Variants in RGS6 observed in about 807,000 individuals in gnomAD.
RGS6 encodes the protein regulator of G-protein signaling 6.
RGS6 carries 30 observed loss-of-function variants against 78.5 expected under a neutral mutation model. The observed-to-expected ratio is 0.38, with a 90% CI of 0.29 to 0.52. RGS6 has a LOEUF of 0.52. RGS6 is among the 20% of genes least tolerant of loss of function. The probability of loss-of-function intolerance (pLI) is 0.85; values close to 1 mark genes in which losing one functional copy is unlikely to be tolerated. For missense variants in RGS6, 495 were observed against 609.7 expected, an observed-to-expected ratio of 0.81 and a Z score of 1.98; for synonymous variants, 206 against 206.0, an observed-to-expected ratio of 1.00 and a Z score of 0.00.
At chr14:72,547,168 C>T in intron 17 of RGS6, 1 of 1,534,482 alleles carries the variant, frequency 6.5e-7, no homozygotes, top group Non-Finnish European at 8.7e-7. Flanking sequence ...ACAGAGCCTG[C>T]CTCAGTCCTG....
At chr14:71,925,907 T>C in the RGS6 span, among the ~76,000 whole-genome samples, 1 of 152,060 alleles carries the variant, frequency 6.6e-6, no homozygotes, top group Non-Finnish European at 1.5e-5. Context: ...AGCAATCCCA[T>C]TTATGATAGC....
At chr14:72,529,355 A>T (rs1157498) in intron 15 of RGS6, among the ~76,000 whole-genome samples, 3,224 of 152,264 alleles carry the variant, frequency 0.021, 111 homozygotes, top group African/African-American at 0.072. Flanking sequence ...GGCTGTTATA[A>T]TGGTGGTCAA....
chr14:72,428,492 C>T (rs1315605385), intron 3 of RGS6, among the ~76,000 whole-genome samples: 3 of 152,074 alleles, frequency 2.0e-5, no homozygotes, highest in African/African-American at 7.2e-5. Context: ...CTCCTAGGCT[C>T]TCTCTGAATG....
chr14:72,189,926 G>T (rs538476178), intron 2 of RGS6, among the ~76,000 whole-genome samples: 1 of 152,178 alleles, frequency 6.6e-6, no homozygotes, highest in South Asian at 2.1e-4. Flanking sequence ...TCATAAAAAC[G>T]CATACCCATA....
At chr14:72,477,486 A>G (rs2096267018) in intron 11 of RGS6, among the ~76,000 whole-genome samples, 1 of 103,088 alleles carries the variant, frequency 9.7e-6, no homozygotes, top group Non-Finnish European at 1.9e-5. Context: ...TAATGGATAT[A>G]TGAAAAAAAA....
intron 1 of RGS6, among the ~76,000 whole-genome samples, chr14:71,959,050 G>A (rs1365884672): frequency 2.0e-5 from 3 of 152,208 alleles, no homozygotes; most frequent in Non-Finnish European, 2.9e-5. Flanking sequence ...TAGGGGTTGA[G>A]TGCTATTGCC....
Position 72,133,353 on chromosome 14 carries a change from T to G in RGS6, c.84+168478T>G, listed in dbSNP as rs549800018. 1.2e-4 allele frequency among the ~76,000 whole-genome samples: 18 copies of G among 152,096 alleles called. 1 individual carries two copies. In the South Asian group the frequency reaches 3.3e-3, roughly 28 times the overall value. On this transcript the variant is annotated intron_variant, in intron 2 of 17. Coordinates refer to ENST00000553525, the MANE Select transcript of RGS6 (RefSeq NM_001204424.2). ...ATACTCTAGTTACTCAGCTCTTACC[T>G]TAGAATTGAGACTTCAGAGTTTCCC... is the stretch of plus-strand genomic sequence containing the variant.
intron 2 of RGS6, among the ~76,000 whole-genome samples, chr14:71,980,022 T>C (rs2094362980): frequency 7.2e-6 from 1 of 139,730 alleles, no homozygotes; most frequent in Non-Finnish European, 1.5e-5. Context: ...GTAATGGCCT[T>C]CTTTGTCTCT....
intron 2 of RGS6, among the ~76,000 whole-genome samples, chr14:72,137,877 A>T (rs1246190010): frequency 2.6e-5 from 4 of 152,102 alleles, no homozygotes; most frequent in African/African-American, 9.7e-5. Flanking sequence ...CATTTACATA[A>T]ATATGATTGA....
At chr14:72,458,472 G>T in intron 5 of RGS6, 95 bp downstream of exon 5, 3 of 951,196 alleles carry the variant, frequency 3.2e-6, no homozygotes, top group Non-Finnish European at 4.9e-6. Flanking sequence ...GGATATCTGA[G>T]GGAGTAGCCC....
chr14:72,540,146 T>G, intron 17 of RGS6, 52 bp downstream of exon 17: 6 of 1,540,480 alleles, frequency 3.9e-6, no homozygotes, highest in Non-Finnish European at 5.2e-6. Context: ...TTTGGTTTTT[T>G]CTTTCTTCTT....
intron 3 of RGS6, among the ~76,000 whole-genome samples, chr14:72,435,217 CTCAAGATGGAT>C (rs1258095812): frequency 6.6e-6 from 1 of 152,156 alleles, no homozygotes; most frequent in Non-Finnish European, 1.5e-5. Context: ...GGTATATTTC[CTCAAGATGGAT>C]TCAAGATGTG....
At chr14:72,002,337 A>G (rs2083632441) in intron 2 of RGS6, among the ~76,000 whole-genome samples, 1 of 152,170 alleles carries the variant, frequency 6.6e-6, no homozygotes, top group African/African-American at 2.4e-5. Flanking sequence ...ATTCAGGGCT[A>G]AAGGTCAGAT....
chr14:72,378,925 C>CA (rs2085383218), intron 3 of RGS6, among the ~76,000 whole-genome samples: 1 of 152,022 alleles, frequency 6.6e-6, no homozygotes, highest in Non-Finnish European at 1.5e-5. Flanking sequence ...AACATAGACA[C>CA]AAAAATCCTC....
the RGS6 span, among the ~76,000 whole-genome samples, chr14:71,914,498 C>A: frequency 6.6e-6 from 1 of 152,162 alleles, no homozygotes; most frequent in Non-Finnish European, 1.5e-5. Context: ...TAAGAACTAA[C>A]GGATCTTAAT....
intron 2 of RGS6, among the ~76,000 whole-genome samples, chr14:72,221,097 T>TTA (rs1357399328): frequency 2.0e-5 from 3 of 152,166 alleles, no homozygotes; most frequent in Non-Finnish European, 4.4e-5. Context: ...TACCTCTACT[T>TTA]ATCTATTTGA....
At chr14:72,232,051 G>A (rs1288065301) in intron 2 of RGS6, among the ~76,000 whole-genome samples, 1 of 152,208 alleles carries the variant, frequency 6.6e-6, no homozygotes, top group Non-Finnish European at 1.5e-5. Flanking sequence ...GATAGAAGAA[G>A]GAGACCAGTG....
rs1029853485 is a variant in RGS6 at position 71,991,394 on chromosome 14, CAAG to C, written c.84+26524_84+26526del. Among the ~76,000 whole-genome samples the C allele has an allele frequency of 5.9e-5, 9 of 152,286 alleles. No homozygotes were observed. The East Asian group carries it at 7.7e-4, about 13-fold the overall frequency. ...TGAGAGAGGATGAGAAAAAAACAGA[CAAG>C]AAGACAAACCAATATTTCTCTCACC... On this transcript the variant is annotated intron_variant, in intron 2 of 17. Transcript: ENST00000553525.
intron 2 of RGS6, among the ~76,000 whole-genome samples, chr14:71,991,726 G>C (rs1407385814): frequency 6.6e-6 from 1 of 152,074 alleles, no homozygotes; most frequent in Non-Finnish European, 1.5e-5. Context: ...CTTGCTGTTG[G>C]GAAGCTTCTT....
Sources: gnomAD v4.1 joint callset for allele counts (sites outside exome capture counted in the v4.1 genomes callset) on GRCh38, gnomAD v4.1.1 for gene constraint, MANE v1.5 for transcripts, NCBI Gene and HGNC (gene_info 2026-07-23, HGNC 2026-07-21) for gene names.